The following RAPGEF5 variants were observed in gnomAD, a reference collection of about 807,000 sequenced individuals.
The protein encoded by RAPGEF5 is M-Ras-regulated GEF.
A neutral mutation model predicts 125.2 loss-of-function variants in RAPGEF5; 65 were observed. The ratio of observed to expected loss-of-function variants is 0.52; its 90% CI spans 0.43 to 0.64. The LOEUF (loss-of-function observed/expected upper bound fraction) is 0.64, where lower values mean the gene tolerates loss of function less well. RAPGEF5 is among the 30% of genes least tolerant of loss of function. The probability of loss-of-function intolerance (pLI) is 0.00; values close to 1 mark genes in which losing one functional copy is unlikely to be tolerated. For missense variants in RAPGEF5, 958 were observed against 1,048.1 expected, an observed-to-expected ratio of 0.91 and a Z score of 1.19; for synonymous variants, 391 against 385.9, an observed-to-expected ratio of 1.01 and a Z score of -0.16.
chr7:22,356,837 C>A lies in RAPGEF5; in HGVS notation c.224G>T (p.Gly75Val), dbSNP rs1041118095. 1 of 1,164,750 alleles carries A rather than the reference C, an allele frequency of 8.6e-7. No homozygotes were observed. The highest frequency in any genetic ancestry group is 1.1e-6 in the Non-Finnish European group (1 of 944,796). 72.2% of individuals were successfully genotyped at this position (1,164,750 alleles called of 1,614,324 possible). The change falls in exon 1 of 26, where the codon GGG becomes GTG. Residue 75 changes from glycine (G) to valine (V), a missense_variant. Coordinates refer to ENST00000665637, the MANE Select transcript of RAPGEF5 (RefSeq NM_012294.5). ...CAGGGCCGGGCCACTCACCCGGCCC[C>A]CAGCGGCGCTCCGCTTCCTCCGCAG... ...LTLRRKRSAAGGRTLSRRISN... is the reference protein window; with the variant it reads ...LTLRRKRSAAVGRTLSRRISN...
chr7:22,129,601 C>T (rs1295172462), intron 24 of RAPGEF5, among the ~76,000 whole-genome samples: 2 of 152,218 alleles, frequency 1.3e-5, no homozygotes, highest in Non-Finnish European at 1.5e-5. Context: ...GAATATCACA[C>T]AGCAACACAA....
intron 14 of RAPGEF5, among the ~76,000 whole-genome samples, chr7:22,159,515 T>C (rs1783916099): frequency 1.3e-5 from 2 of 152,262 alleles, no homozygotes; most frequent in South Asian, 2.1e-4. Flanking sequence ...TGACAATGTA[T>C]GTACTTTATG....
intron 6 of RAPGEF5, among the ~76,000 whole-genome samples, chr7:22,273,066 CT>C (rs1782472240): frequency 1.3e-5 from 2 of 151,638 alleles, no homozygotes; most frequent in East Asian, 4.0e-4. Flanking sequence ...AGCCAAGAAA[CT>C]ACTGTTCTCC....
At chr7:22,143,599 C>A (rs1045193737) in intron 20 of RAPGEF5, among the ~76,000 whole-genome samples, 1 of 152,218 alleles carries the variant, frequency 6.6e-6, no homozygotes, top group African/African-American at 2.4e-5. Flanking sequence ...GGCTCTGCTT[C>A]ATTGTCTCCA....
chr7:22,220,285 G>A (rs1785754273), intron 8 of RAPGEF5: 1 of 252,112 alleles, frequency 4.0e-6, no homozygotes, highest in Non-Finnish European at 7.6e-6. Context: ...CTGTTTGTTT[G>A]TTCCTGACAG....
chr7:22,158,762 A>C (rs527837712), intron 14 of RAPGEF5, among the ~76,000 whole-genome samples: 8 of 152,172 alleles, frequency 5.3e-5, no homozygotes, highest in Admixed American at 2.6e-4. Flanking sequence ...AGTAGCTGGA[A>C]CTACAGGCAT....
intron 7 of RAPGEF5, among the ~76,000 whole-genome samples, chr7:22,254,608 CAAA>C (rs11330777): frequency 2.1e-3 from 178 of 83,014 alleles, no homozygotes; most frequent in African/African-American, 7.4e-3. Flanking sequence ...AACTCCGTCT[CAAA>C]AAAAAAAAAA....
intron 3 of RAPGEF5, among the ~76,000 whole-genome samples, chr7:22,312,488 C>T (rs1470964252): frequency 6.6e-6 from 1 of 152,184 alleles, no homozygotes; most frequent in Admixed American, 6.5e-5. Flanking sequence ...GGATTACAGG[C>T]ATGAGCCACC....
At chr7:22,341,765 C>A (rs1410580489) in intron 1 of RAPGEF5, among the ~76,000 whole-genome samples, 1 of 152,228 alleles carries the variant, frequency 6.6e-6, no homozygotes, top group Non-Finnish European at 1.5e-5. Context: ...CCAGGTCATG[C>A]TGATGCAAGA....
chr7:22,217,265 T>C (rs1785660682), intron 9 of RAPGEF5, among the ~76,000 whole-genome samples: 1 of 152,244 alleles, frequency 6.6e-6, no homozygotes. Context: ...AAGAGGAAAC[T>C]GCAGACCTAG....
At chr7:22,248,875 A>G (rs567091949) in intron 7 of RAPGEF5, among the ~76,000 whole-genome samples, 26 of 152,302 alleles carry the variant, frequency 1.7e-4, no homozygotes, top group African/African-American at 5.5e-4. Flanking sequence ...TTTGCTCCCT[A>G]TTGTAGCCAG....
At chr7:22,323,932 A>G (rs1315590995) in intron 1 of RAPGEF5, among the ~76,000 whole-genome samples, 1 of 152,210 alleles carries the variant, frequency 6.6e-6, no homozygotes, top group East Asian at 1.9e-4. Context: ...CCTTAGGCAA[A>G]CACCATAGTA....
At chr7:22,230,817 A>G in intron 8 of RAPGEF5, 29 bp downstream of exon 8, 1 of 1,539,362 alleles carries the variant, frequency 6.5e-7, no homozygotes. Flanking sequence ...GAAGGGTATG[A>G]TGAGGGGCTG....
intron 1 of RAPGEF5, among the ~76,000 whole-genome samples, chr7:22,324,825 T>C (rs1472791884): frequency 6.6e-6 from 1 of 152,170 alleles, no homozygotes; most frequent in Admixed American, 6.5e-5. Flanking sequence ...CCTCCCTACA[T>C]GTCACCTTAT....
intron 6 of RAPGEF5, among the ~76,000 whole-genome samples, chr7:22,276,850 G>A (rs181141415): frequency 2.6e-5 from 4 of 152,318 alleles, no homozygotes; most frequent in Admixed American, 2.6e-4. Context: ...CACAGAGTAA[G>A]TGCTATTTGA....
intron 11 of RAPGEF5, among the ~76,000 whole-genome samples, chr7:22,172,402 G>A (rs930556631): frequency 1.3e-5 from 2 of 152,102 alleles, no homozygotes; most frequent in African/African-American, 4.8e-5. Flanking sequence ...GGGATTGCAG[G>A]TATAAGCCAC....
At chr7:22,179,783 T>C (rs1226487137) in intron 11 of RAPGEF5, among the ~76,000 whole-genome samples, 1 of 152,052 alleles carries the variant, frequency 6.6e-6, no homozygotes, top group South Asian at 2.1e-4. Context: ...TAAAAGACAC[T>C]CCCACCAGCA....
rs569636412 is a variant in RAPGEF5, at chr7:22,183,102, G to A, written c.1204+10265C>T. 2.0e-5 allele frequency among the ~76,000 whole-genome samples: 3 copies of A among 151,884 alleles called. No homozygotes were observed. The South Asian group carries it at 6.2e-4, about 32-fold the overall frequency. The stretch of plus-strand genomic sequence containing the variant: ...AGTCTGGCCAACATAGTGAAACCCT[G>A]TCTCTAGTAAAAATACAAAAATTGG... On this transcript the variant is annotated intron_variant, in intron 11 of 25. Coordinates refer to ENST00000665637, the MANE Select transcript of RAPGEF5 (RefSeq NM_012294.5).
chr7:22,246,475 G>C (rs765633559), intron 7 of RAPGEF5, among the ~76,000 whole-genome samples: 2 of 151,974 alleles, frequency 1.3e-5, no homozygotes, highest in Non-Finnish European at 2.9e-5. Flanking sequence ...TAAGCAATGG[G>C]GAAAGGACTC....
Sources: allele counts gnomAD v4.1 joint callset (sites outside exome capture counted in the v4.1 genomes callset), GRCh38; gene constraint gnomAD v4.1.1; transcripts MANE v1.5; gene names NCBI Gene and HGNC (gene_info 2026-07-23, HGNC 2026-07-21).